Variants in RFC3 observed in about 807,000 individuals in gnomAD.
RFC3 encodes A1 38 kDa subunit.
A neutral mutation model predicts 45.1 loss-of-function variants in RFC3; 41 were observed. The ratio of observed to expected loss-of-function variants is 0.91; its 90% confidence interval spans 0.71 to 1.18. The LOEUF is 1.18. Ranked by LOEUF, RFC3 falls within the 50% of genes most tolerant of loss-of-function variation. The probability of loss-of-function intolerance (pLI) is 0.00; values close to 1 mark genes in which losing one functional copy is unlikely to be tolerated. For synonymous variants in RFC3, 149 were observed against 144.0 expected (o/e 1.03, Z -0.25); for missense variants, 423 against 428.1 (o/e 0.99, Z 0.10).
chr13:33,828,930 C>T (rs1481458825), intron 4 of RFC3, among the ~76,000 whole-genome samples: 1 of 152,134 alleles, frequency 6.6e-6, no homozygotes, highest in South Asian at 2.1e-4. Flanking sequence ...TCAAAATCTT[C>T]CTCCCACACC....
intron 3 of RFC3, among the ~76,000 whole-genome samples, chr13:33,825,373 T>G (rs1182669084): frequency 6.6e-6 from 1 of 152,144 alleles, no homozygotes; most frequent in African/African-American, 2.4e-5. Context: ...TTTGCTATTT[T>G]GGGGATGTGG....
At chr13:33,872,796 C>CA (rs1555235490) in intron 8 of RFC3, among the ~76,000 whole-genome samples, 6 of 134,616 alleles carry the variant, frequency 4.5e-5, no homozygotes, top group Non-Finnish European at 9.8e-5. Flanking sequence ...AACCAAACCC[C>CA]CCCCCCCAAA....
intron 8 of RFC3, among the ~76,000 whole-genome samples, chr13:33,946,971 A>C (rs2082958152): frequency 6.6e-6 from 1 of 152,246 alleles, no homozygotes; most frequent in Non-Finnish European, 1.5e-5. Context: ...TGGAAAGTAT[A>C]CGTTCATCAA....
At chr13:33,865,480 G>GATT (rs1362786162) in intron 8 of RFC3, among the ~76,000 whole-genome samples, 3 of 53,306 alleles carry the variant, frequency 5.6e-5, no homozygotes, top group African/African-American at 1.1e-4. Flanking sequence ...CATAAGAAAA[G>GATT]AGTAACAGGA....
At chr13:33,845,901 T>G (rs750740197) in intron 8 of RFC3, among the ~76,000 whole-genome samples, 1 of 152,250 alleles carries the variant, frequency 6.6e-6, no homozygotes, top group Non-Finnish European at 1.5e-5. Flanking sequence ...TTTATACCTG[T>G]CCTTCTTGGG....
chr13:33,853,886 G>T (rs1356160415), intron 8 of RFC3, among the ~76,000 whole-genome samples: 1 of 152,112 alleles, frequency 6.6e-6, no homozygotes, highest in Non-Finnish European at 1.5e-5. Flanking sequence ...CTGTACCAAG[G>T]AGTTGTAGAA....
intron 8 of RFC3, among the ~76,000 whole-genome samples, chr13:33,911,325 A>G (rs908607162): frequency 2.6e-5 from 4 of 152,080 alleles, no homozygotes; most frequent in African/African-American, 9.7e-5. Context: ...TACATGTAGG[A>G]GGCAAGAGTT....
At chr13:33,928,006 G>A (rs1224374466) in intron 8 of RFC3, among the ~76,000 whole-genome samples, 1 of 152,098 alleles carries the variant, frequency 6.6e-6, no homozygotes, top group Non-Finnish European at 1.5e-5. Flanking sequence ...AACTCATTTA[G>A]TCTTCCAAAC....
chr13:33,871,853 C>T (rs2137568030), intron 8 of RFC3, among the ~76,000 whole-genome samples: 1 of 152,236 alleles, frequency 6.6e-6, no homozygotes, highest in African/African-American at 2.4e-5. Context: ...GGTATCCCCA[C>T]TATTTTACAG....
chr13:33,950,171 A>T (rs1566039810), intron 8 of RFC3, among the ~76,000 whole-genome samples: 1 of 152,094 alleles, frequency 6.6e-6, no homozygotes, highest in African/African-American at 2.4e-5. Context: ...ATTCCATAGA[A>T]TATTAAAAAT....
chr13:33,908,524 A>C lies in RFC3; in HGVS notation c.880-57563A>C, dbSNP rs553148895. 1.4e-4 allele frequency among the ~76,000 whole-genome samples: 21 copies of C among 150,494 alleles called. No homozygotes were observed. In the East Asian group the frequency reaches 2.0e-3, roughly 14 times the overall value. ...TATTATTATTGCAGAGAAGGAGGGC[A>C]ATTGTCAGGGTTTGTTAGTCTGTAT... On this transcript the variant is annotated intron_variant, in intron 8 of 8. Coordinates refer to the RFC3 transcript ENST00000434425.
intron 8 of RFC3, among the ~76,000 whole-genome samples, chr13:33,935,656 A>G (rs1343965014): frequency 1.3e-5 from 2 of 152,182 alleles, no homozygotes; most frequent in Non-Finnish European, 2.9e-5. Context: ...TTTAAATAAA[A>G]AAGAGGTAAT....
intron 8 of RFC3, among the ~76,000 whole-genome samples, chr13:33,854,942 T>TAG (rs1555233758): frequency 6.6e-6 from 1 of 151,812 alleles, no homozygotes; most frequent in Non-Finnish European, 1.5e-5. Context: ...AGTCAAAACT[T>TAG]AAGTCATCCT....
At chr13:33,940,248 C>G (rs58329030) in intron 8 of RFC3, among the ~76,000 whole-genome samples, 4 of 151,988 alleles carry the variant, frequency 2.6e-5, no homozygotes, top group African/African-American at 9.7e-5. Flanking sequence ...AGTATGACTT[C>G]AACTGCCCTC....
At chr13:33,932,060 C>T (rs913365517) in intron 8 of RFC3, among the ~76,000 whole-genome samples, 1 of 152,066 alleles carries the variant, frequency 6.6e-6, no homozygotes. Flanking sequence ...CAAATGCTTA[C>T]TATGTTCCAA....
At chr13:33,962,151 T>C (rs1055903701) in intron 8 of RFC3, among the ~76,000 whole-genome samples, 1 of 152,276 alleles carries the variant, frequency 6.6e-6, no homozygotes, top group Admixed American at 6.5e-5. Context: ...GTAGGATCCT[T>C]TTCCCAAACT....
At chr13:33,909,567 C>G (rs1260003851) in intron 8 of RFC3, among the ~76,000 whole-genome samples, 1 of 151,892 alleles carries the variant, frequency 6.6e-6, no homozygotes, top group East Asian at 1.9e-4. Context: ...CCTTCTTTAC[C>G]TCTTCCTCTT....
intron 8 of RFC3, among the ~76,000 whole-genome samples, chr13:33,894,178 C>T (rs374386115): frequency 2.6e-5 from 4 of 152,266 alleles, no homozygotes; most frequent in South Asian, 4.2e-4. Context: ...CTGTAAGTCC[C>T]CAGAGTGTGA....
intron 8 of RFC3, among the ~76,000 whole-genome samples, chr13:33,884,490 CA>C (rs1421570568): frequency 6.6e-6 from 1 of 152,150 alleles, no homozygotes; most frequent in Non-Finnish European, 1.5e-5. Flanking sequence ...ACTATGTCTT[CA>C]AATGCACCGT....
Sources: allele counts gnomAD v4.1 joint callset (sites outside exome capture counted in the v4.1 genomes callset), GRCh38; gene constraint gnomAD v4.1.1; transcripts MANE v1.5; gene names NCBI Gene and HGNC (gene_info 2026-07-23, HGNC 2026-07-21).